ARID4A: variants seen among roughly 807,000 people sequenced by gnomAD.
ARID4A encodes the protein AT-rich interaction domain 4A.
Under a neutral mutation model 148.6 loss-of-function variants are expected in ARID4A, and 39 were observed. The observed-to-expected ratio is 0.26, with a 90% CI of 0.20 to 0.34. The LOEUF (loss-of-function observed/expected upper bound fraction) is 0.34. Among genes scored for constraint, ARID4A ranks in the 10% least tolerant of loss-of-function variants. ARID4A has a pLI of 1.00. For synonymous variants in ARID4A, 475 were observed against 481.2 expected (o/e 0.99, Z 0.17); for missense variants, 1,265 against 1,449.1 (o/e 0.87, Z 2.06).
intron 3 of ARID4A, among the ~76,000 whole-genome samples, chr14:58,303,918 T>C (rs2031392775): frequency 6.6e-6 from 1 of 152,200 alleles, no homozygotes; most frequent in African/African-American, 2.4e-5. Flanking sequence ...GAGACCCACC[T>C]GGCCAAAATG....
At chr14:58,340,605 C>A (rs980142381) in intron 11 of ARID4A, among the ~76,000 whole-genome samples, 2 of 152,186 alleles carry the variant, frequency 1.3e-5, no homozygotes, top group Non-Finnish European at 2.9e-5. Context: ...CCATCTCGGC[C>A]TCCCAAAGTG....
Position 58,370,857 on chromosome 14 carries a change from T to C in ARID4A, c.3671-1029T>C, listed in dbSNP as rs542238091. On this transcript the variant is annotated intron_variant, in intron 23 of 23. Coordinates refer to ENST00000355431, the MANE Select transcript of ARID4A (RefSeq NM_002892.4). ...AACCCCTGTTCTAAAGCAATCCTTT[T>C]GCTTTGGCCTCCCAAAGTGCTGAGA... Among the ~76,000 whole-genome samples, 9 of 152,120 alleles carry C rather than the reference T, an allele frequency of 5.9e-5. 1 individual carries two copies. In the South Asian group the frequency reaches 1.9e-3, roughly 32 times the overall value.
In ARID4A at chr14:58,364,949, C is replaced by G; in HGVS notation, c.2860C>G (p.Pro954Ala). 6.2e-7 allele frequency: 1 copy of G among 1,614,010 alleles called. No individual in the cohort carries two copies. Among genetic ancestry groups the G allele is most frequent in the Non-Finnish European group, 8.5e-7 (1 of 1,179,984 alleles). Residue 954 changes from proline (P) to alanine (A), a missense_variant, in exon 20 of 24, where the codon CCT becomes GCT. By Grantham distance (27) the Pro-to-Ala change is conservative (BLOSUM62 -1). Around this residue, in one of 9 missense-constraint regions of ARID4A, gnomAD observed 666 missense variants for 730.9 expected, o/e 0.91. Coordinates refer to ENST00000355431, the MANE Select transcript of ARID4A (RefSeq NM_002892.4). ...EDEDAMPLIGPETLVCHEVDL... is the reference protein window; with the variant it reads ...EDEDAMPLIGAETLVCHEVDL... ...TGAGGATGCAATGCCTCTGATCGGG[C>G]CTGAAACCTTGGTTTGCCATGAAGT...
At chr14:58,361,071 A>G (rs2035114621) in intron 19 of ARID4A, 29 bp downstream of exon 19, 1 of 1,598,550 alleles carries the variant, frequency 6.3e-7, no homozygotes, top group Non-Finnish European at 8.5e-7. Context: ...GCAATATACC[A>G]GACAGCTCAC....
chr14:58,299,579 C>G, intron 1 of ARID4A: 1 of 552,366 alleles, frequency 1.8e-6, no homozygotes, highest in Non-Finnish European at 3.3e-6. Context: ...CGCGGTGGGC[C>G]GCTGGCGAGC....
chr14:58,347,257 GT>G (rs1048029379), intron 14 of ARID4A, 140 bp downstream of exon 14: 44 of 483,956 alleles, frequency 9.1e-5, no homozygotes, highest in African/African-American at 8.3e-4. Context: ...ACAGATACTT[GT>G]GATTGAAAGT....
At position 58,330,156 on chromosome 14, in the gene ARID4A, CAGA is replaced by C. The variant is rs1368220752; in HGVS notation, c.900_902del (p.Glu301del). On this transcript the variant is annotated inframe_deletion, in exon 11 of 24. Transcript: ENST00000355431. Reference sequence around the variant, plus strand: ...GAGAAGGAAAAGGAGGCCAAAAAGACAGAAGAAGAGGTGGTAGGTGTAATTTCA... The same window carrying C: ...GAGAAGGAAAAGGAGGCCAAAAAGACAGAAGAGGTGGTAGGTGTAATTTCA... 27 of 1,611,600 alleles carry C rather than the reference CAGA, an allele frequency of 1.7e-5. No homozygotes were observed. The Admixed American group carries it at 3.7e-4, about 22-fold the overall frequency.
intron 17 of ARID4A, among the ~76,000 whole-genome samples, chr14:58,356,699 ATTT>A (rs1174156900): frequency 4.7e-5 from 6 of 128,048 alleles, no homozygotes; most frequent in African/African-American, 2.9e-5. Context: ...TTGAATTTTG[ATTT>A]TTTTTTTTTT....
chr14:58,367,122 ACATT>A, intron 23 of ARID4A, 93 bp downstream of exon 23: 1 of 980,630 alleles, frequency 1.0e-6, no homozygotes, highest in Non-Finnish European at 1.4e-6. Flanking sequence ...AATATAGTAC[ACATT>A]CATTAATTGC....
At chr14:58,320,914 T>C (rs1376191925) in intron 7 of ARID4A, among the ~76,000 whole-genome samples, 4 of 152,176 alleles carry the variant, frequency 2.6e-5, no homozygotes, top group East Asian at 3.8e-4. Context: ...GCCGATGACA[T>C]TGACGTTTTT....
At chr14:58,305,703 T>C (rs1167263419) in intron 4 of ARID4A, among the ~76,000 whole-genome samples, 5 of 152,288 alleles carry the variant, frequency 3.3e-5, no homozygotes, top group South Asian at 2.1e-4. Context: ...CAATGTGATA[T>C]AGTGGAAAAG....
intron 9 of ARID4A, 59 bp from the exon 10 acceptor site, chr14:58,329,469 A>AT: frequency 1.8e-6 from 2 of 1,138,830 alleles, no homozygotes; most frequent in Non-Finnish European, 2.6e-6. Context: ...AACATGAACT[A>AT]TTTAAGTGAT....
At chr14:58,316,077 G>A (rs898003172) in intron 5 of ARID4A, among the ~76,000 whole-genome samples, 3 of 152,294 alleles carry the variant, frequency 2.0e-5, no homozygotes, top group South Asian at 2.1e-4. Context: ...AAAGGTAAGC[G>A]TAGGATTTGA....
chr14:58,365,728 A>G, intron 21 of ARID4A, 106 bp downstream of exon 21: 1 of 996,526 alleles, frequency 1.0e-6, no homozygotes, highest in Non-Finnish European at 1.5e-6. Flanking sequence ...TTATAACTGC[A>G]TTTTCATTTA....
chr14:58,368,880 G>A (rs1167887219), intron 23 of ARID4A, among the ~76,000 whole-genome samples: 1 of 152,196 alleles, frequency 6.6e-6, no homozygotes, highest in Non-Finnish European at 1.5e-5. Context: ...GTGGCACCAC[G>A]TTGGTGCTCA....
intron 11 of ARID4A, among the ~76,000 whole-genome samples, chr14:58,330,937 C>T (rs1394028449): frequency 1.3e-5 from 2 of 151,796 alleles, no homozygotes; most frequent in South Asian, 2.1e-4. Flanking sequence ...TTGGTTGTTA[C>T]GGGGTAAAAG....
At chr14:58,349,490 CA>C (rs111454525) in intron 15 of ARID4A, among the ~76,000 whole-genome samples, 2,380 of 139,726 alleles carry the variant, frequency 0.017, 54 homozygotes, top group African/African-American at 0.058. Flanking sequence ...ACTAAAAATA[CA>C]AAAAAAAAAA....
intron 1 of ARID4A, 90 bp from the exon 2 acceptor site, chr14:58,299,708 T>C (rs1594853406): frequency 8.8e-7 from 1 of 1,141,094 alleles, no homozygotes. Context: ...ATTCTGCCCC[T>C]CCCCGCTGGC....
At chr14:58,326,535 T>C (rs576098874) in intron 8 of ARID4A, among the ~76,000 whole-genome samples, 2 of 152,314 alleles carry the variant, frequency 1.3e-5, no homozygotes, top group African/African-American at 2.4e-5. Context: ...ATAGGAAATA[T>C]AGCTGTGAAC....
Sources: allele counts gnomAD v4.1 joint callset (sites outside exome capture counted in the v4.1 genomes callset), GRCh38; gene constraint gnomAD v4.1.1; regional missense constraint gnomAD v4.1.1; transcripts MANE v1.5; gene names NCBI Gene and HGNC (gene_info 2026-07-23, HGNC 2026-07-21).